MYO7B: variants seen among roughly 807,000 people sequenced by gnomAD.
The protein encoded by MYO7B is unconventional myosin-VIIb.
Under a neutral mutation model 259.7 loss-of-function variants are expected in MYO7B, and 212 were observed. That is an observed-to-expected ratio of 0.82 (90% confidence interval 0.73 to 0.91). The LOEUF is 0.91. Among genes scored for constraint, MYO7B ranks in the 40% least tolerant of loss-of-function variants. MYO7B has a pLI of 0.00. For synonymous variants in MYO7B, 1,197 were observed against 1,166.4 expected, an observed-to-expected ratio of 1.03 and a Z score of -0.54; for missense variants, 2,732 against 2,813.5, an observed-to-expected ratio of 0.97 and a Z score of 0.66.
chr2:127,573,813 A>C, intron 6 of MYO7B, 107 bp from the exon 7 acceptor site: 1 of 1,424,442 alleles, frequency 7.0e-7, no homozygotes, highest in Non-Finnish European at 9.6e-7. Context: ...CCCATTCTTC[A>C]ATTCGAGGCT....
chr2:127,636,039 G>GCA lies in MYO7B; in HGVS notation c.6006+138_6006+139dup. The GCA allele has an allele frequency of 8.4e-7, 1 of 1,196,472 alleles. No individual in the cohort carries two copies. Among genetic ancestry groups the GCA allele is most frequent in the South Asian group, 1.5e-5 (1 of 66,404 alleles). The allele number at this position is 1,196,472 out of a possible 1,614,324, so 74.1% of individuals were successfully genotyped here. A position where few individuals can be genotyped will look rare whatever the true frequency, so the allele number is the denominator to read the frequency against. On this transcript the variant is annotated intron_variant, in intron 44 of 47. Coordinates refer to ENST00000409816, the MANE Select transcript of MYO7B (RefSeq NM_001393586.1). The surrounding 1 kb of genome is among the most constrained non-coding windows in gnomAD (Gnocchi z 4.5). ...GTGGTGTGGAGGGTGGGCTGGCTCT[G>GCA]CACACACCACGCCTTCCTATGCCAT...
intron 9 of MYO7B, among the ~76,000 whole-genome samples, chr2:127,579,190 C>T (rs1176551553): frequency 6.6e-6 from 1 of 152,066 alleles, no homozygotes; most frequent in Admixed American, 6.6e-5. Context: ...AGAGGGAGCA[C>T]ACCTTTCATT....
intron 10 of MYO7B, 85 bp from the exon 11 acceptor site, chr2:127,581,806 G>A (rs1328680489): frequency 1.3e-6 from 2 of 1,577,624 alleles, no homozygotes; most frequent in Admixed American, 3.4e-5. Context: ...GTCACGAGAG[G>A]GAACAAGACT....
chr2:127,624,234 G>C lies in MYO7B; in HGVS notation c.3961G>C (p.Asp1321His). 6.3e-7 allele frequency: 1 copy of C among 1,596,312 alleles called. No individual in the cohort carries two copies. The highest frequency in any genetic ancestry group is 8.5e-7 in the Non-Finnish European group (1 of 1,172,194). The change falls in exon 30 of 48, where the codon GAC becomes CAC. Residue 1321 changes from aspartate (D) to histidine (H), a missense_variant. Physicochemically the swap from Asp to His is moderately conservative, Grantham distance 81. Transcript: ENST00000409816. The part of the protein sequence containing the change: ...FRKEFFTPWH[D>H]SREDPVSTEL... Reference sequence around the variant, plus strand: ...GAAGGAATTCTTCACCCCCTGGCACGACTCCCGGGAGGACCCTGTCAGCAC... The same window carrying C: ...GAAGGAATTCTTCACCCCCTGGCACCACTCCCGGGAGGACCCTGTCAGCAC...
chr2:127,631,141 G>T, intron 36 of MYO7B, 65 bp from the exon 37 acceptor site: 1 of 1,494,962 alleles, frequency 6.7e-7, no homozygotes. Context: ...GGGTGTCAGA[G>T]GACAGAGAAG....
intron 4 of MYO7B, among the ~76,000 whole-genome samples, 180 bp from the exon 5 acceptor site, chr2:127,566,463 G>A (rs1678347625): frequency 6.6e-6 from 1 of 152,342 alleles, no homozygotes; most frequent in Non-Finnish European, 1.5e-5. Flanking sequence ...TCTTCCCAGA[G>A]GAGAGATCTG....
At chr2:127,581,819 G>A (rs1319755382) in intron 10 of MYO7B, 72 bp from the exon 11 acceptor site, 2 of 1,596,904 alleles carry the variant, frequency 1.3e-6, no homozygotes, top group Non-Finnish European at 1.7e-6. Flanking sequence ...ACAAGACTTG[G>A]CAGAAGCAGG....
At position 127,627,068 on chromosome 2, in the gene MYO7B, C is replaced by T. The variant is rs187829294; in HGVS notation, c.4309C>T (p.Leu1437Phe). Residue 1437 changes from leucine to phenylalanine, a missense_variant, in exon 32 of 48, where the codon CTC becomes TTC. Transcript: ENST00000409816. The surrounding 1 kb of genome is among the most constrained non-coding windows in gnomAD (Gnocchi z 5.6). The part of the protein sequence containing the change: ...RLQWPLLFSR[L>F]FEVITLSGPR... Reference sequence around the variant, plus strand: ...GCAGTGGCCGCTGCTCTTCTCCCGGCTCTTCGAAGTCATCACACTCTCAGG... The same window carrying T: ...GCAGTGGCCGCTGCTCTTCTCCCGGTTCTTCGAAGTCATCACACTCTCAGG... The T allele has an allele frequency of 4.3e-6, 7 of 1,611,532 alleles. No individual in the cohort carries two copies. Among genetic ancestry groups the T allele is most frequent in the East Asian group, 2.2e-5 (1 of 44,784 alleles).
intron 19 of MYO7B, among the ~76,000 whole-genome samples, chr2:127,602,979 G>A (rs931547905): frequency 1.3e-5 from 2 of 150,642 alleles, no homozygotes; most frequent in Non-Finnish European, 2.9e-5. Context: ...CAGCCTAGGC[G>A]ACAGAGTGAG....
chr2:127,630,656 G>T, intron 35 of MYO7B, 122 bp from the exon 36 acceptor site: 2 of 1,394,782 alleles, frequency 1.4e-6, no homozygotes, highest in Non-Finnish European at 2.0e-6. Flanking sequence ...GTAAGCCCTG[G>T]CCTGTTCAGC....
At position 127,569,835 on chromosome 2, in the gene MYO7B, C is replaced by T; in HGVS notation, c.517C>T (p.Gln173Ter). Residue 173 changes from glutamine to a stop codon, truncating the protein, a stop_gained, in exon 6 of 48, where the codon CAG (glutamine) becomes TAG (stop). Coordinates refer to ENST00000409816, the MANE Select transcript of MYO7B (RefSeq NM_001393586.1). LOFTEE classifies it high-confidence loss of function. Reference protein sequence around the residue: ...GKTETTKLILQFLATISGQHS... With the variant: ...GKTETTKLIL ...GACGGAGACCACCAAGCTCATCCTG[C>T]AGTTCCTGGCCACCATCAGTGGCCA... 3 of 1,613,458 alleles carry T rather than the reference C, an allele frequency of 1.9e-6. No individual in the cohort carries two copies. The highest frequency in any genetic ancestry group is 2.5e-6 in the Non-Finnish European group (3 of 1,179,568).
intron 29 of MYO7B, among the ~76,000 whole-genome samples, chr2:127,623,742 A>G (rs1201651797): frequency 6.6e-6 from 1 of 152,034 alleles, no homozygotes. Flanking sequence ...GGAGGGTCAC[A>G]CCAGCACAGA....
rs1680381658 is a variant in MYO7B, at chr2:127,611,374, T to G, written c.3193-876T>G. Reference sequence around the variant, plus strand: ...TGGCAGCCACTCAGGGAAAAGACTCTGGGAGGCAGTCCAGCCAACCAGCAC... The same window carrying G: ...TGGCAGCCACTCAGGGAAAAGACTCGGGGAGGCAGTCCAGCCAACCAGCAC... On this transcript the variant is annotated intron_variant, in intron 24 of 47. Transcript: ENST00000409816. This position sits in a 1 kb window ranked among gnomAD's most constrained non-coding sequence, Gnocchi z 5.4. 1.3e-5 allele frequency among the ~76,000 whole-genome samples: 2 copies of G among 152,172 alleles called. No individual in the cohort carries two copies. The highest frequency in any genetic ancestry group is 2.1e-4 in the South Asian group (1 of 4,820).
At chr2:127,549,684 T>C (rs1392877521) in intron 1 of MYO7B, among the ~76,000 whole-genome samples, 1 of 152,092 alleles carries the variant, frequency 6.6e-6, no homozygotes, top group Admixed American at 6.6e-5. Context: ...CCATGGCATA[T>C]CTGAGGGACA....
chr2:127,567,239 G>C (rs963964878), intron 5 of MYO7B, among the ~76,000 whole-genome samples: 1 of 152,010 alleles, frequency 6.6e-6, no homozygotes, highest in African/African-American at 2.4e-5. Flanking sequence ...CCCTCTCTCT[G>C]TAAAAATAAA....
intron 19 of MYO7B, among the ~76,000 whole-genome samples, chr2:127,604,895 C>T (rs1680107042): frequency 6.6e-6 from 1 of 152,176 alleles, no homozygotes; most frequent in South Asian, 2.1e-4. Flanking sequence ...CAGATCACCA[C>T]AGCAGATGTA....
At chr2:127,598,798 T>C (rs1034589359) in intron 19 of MYO7B, among the ~76,000 whole-genome samples, 2 of 152,242 alleles carry the variant, frequency 1.3e-5, no homozygotes, top group Non-Finnish European at 2.9e-5. Flanking sequence ...TTTTTTTCTA[T>C]GGTTGTCTCC....
Position 127,535,797 on chromosome 2 carries a change from G to A in MYO7B, c.-58G>A, listed in dbSNP as rs1298102431. The A allele has an allele frequency of 2.6e-5, 4 of 152,278 alleles. No homozygotes were observed. Among genetic ancestry groups the A allele is most frequent in the Non-Finnish European group, 5.9e-5 (4 of 68,128 alleles). 9.4% of individuals were successfully genotyped at this position (152,278 alleles called of 1,614,324 possible). ...TCTTTCAGGGTGCCCAGGGTGGAGG[G>A]GAAGGGGAGTCAGCCAGACCCCCAT... is the stretch of plus-strand genomic sequence containing the variant. On this transcript the variant is annotated 5_prime_UTR_variant, in exon 1 of 48. Transcript: ENST00000409816. This position sits in a 1 kb window ranked among gnomAD's most constrained non-coding sequence, Gnocchi z 4.8.
rs1679513068 is a variant in MYO7B at position 127,590,417 on chromosome 2, C to A, written c.1992+188C>A. ...ATGTGAAGGTCAGTGACCTGCAGAG[C>A]TTTGGGTTGCTGAGACCTCAGTTCC... On this transcript the variant is annotated intron_variant, in intron 16 of 47. Transcript: ENST00000409816. The surrounding 1 kb of genome is among the most constrained non-coding windows in gnomAD (Gnocchi z 4.6). Among the ~76,000 whole-genome samples the A allele has an allele frequency of 6.6e-6, 1 of 152,230 alleles. No homozygotes were observed. Among genetic ancestry groups the A allele is most frequent in the Admixed American group, 6.5e-5 (1 of 15,290 alleles).
Sources: gnomAD v4.1 joint callset for allele counts (sites outside exome capture counted in the v4.1 genomes callset) on GRCh38, gnomAD v4.1.1 for gene constraint, Gnocchi (gnomAD v3.1) non-coding constraint, MANE v1.5 for transcripts, NCBI Gene and HGNC (gene_info 2026-07-23, HGNC 2026-07-21) for gene names.